The following ARHGEF16 variants were observed in gnomAD, a reference collection of about 807,000 sequenced individuals.
ARHGEF16 encodes the protein Rho guanine exchange factor (GEF) 16.
ARHGEF16 carries 59 observed loss-of-function variants against 74.1 expected under a neutral mutation model. The observed-to-expected ratio is 0.80, with a 90% CI of 0.65 to 0.99. The LOEUF is 0.99. ARHGEF16 is among the 50% of genes least tolerant of loss of function. The pLI is 0.00. For missense variants in ARHGEF16, 948 were observed against 986.6 expected (o/e 0.96, Z 0.52); for synonymous variants, 415 against 412.6 (o/e 1.01, Z -0.07).
At chr1:3,478,711 C>A in intron 12 of ARHGEF16, 99 bp downstream of exon 12, 1 of 1,340,186 alleles carries the variant, frequency 7.5e-7, no homozygotes, top group Non-Finnish European at 1.0e-6. Flanking sequence ...GCATGGCTGG[C>A]TCTGAACGCC....
At chr1:3,469,343 C>T (rs551311968) in intron 5 of ARHGEF16, 90 bp from the exon 6 acceptor site, 19 of 1,484,048 alleles carry the variant, frequency 1.3e-5, no homozygotes, top group South Asian at 1.0e-4. Flanking sequence ...CCCTGCCACC[C>T]GGGTCACGTC....
At chr1:3,479,478 C>T (rs375301398) in intron 12 of ARHGEF16, 39 bp from the exon 13 acceptor site, 26 of 1,606,916 alleles carry the variant, frequency 1.6e-5, no homozygotes, top group East Asian at 4.5e-5. Flanking sequence ...CGGGCAGGAT[C>T]GGTCTCCAGG....
At chr1:3,478,342 C>T (rs1161432424) in intron 11 of ARHGEF16, 82 bp from the exon 12 acceptor site, 13 of 1,435,088 alleles carry the variant, frequency 9.1e-6, no homozygotes, top group Middle Eastern at 1.8e-4. Context: ...GCAGGGGAGC[C>T]GGGTGGGACC....
Position 3,474,690 on chromosome 1 carries a change from T to C in ARHGEF16, c.1306-18T>C, listed in dbSNP as rs1301584459. The C allele has an allele frequency of 6.2e-7, 1 of 1,610,472 alleles. No individual in the cohort carries two copies. Among genetic ancestry groups the C allele is most frequent in the African/African-American group, 1.3e-5 (1 of 74,880 alleles). ...ATGCCAGAGGGGACTTTCTGTCCCA[T>C]GTCTGTTGTCCATCCAGACGCTCTG... On this transcript the variant is annotated intron_variant, in intron 8 of 14. Transcript: ENST00000378378.
At chr1:3,474,829 C>T (rs774455219) in intron 9 of ARHGEF16, 47 bp downstream of exon 9, 3 of 1,576,550 alleles carry the variant, frequency 1.9e-6, no homozygotes, top group African/African-American at 1.3e-5. Flanking sequence ...TGTACCCCGA[C>T]CCTGTCCCCA....
chr1:3,474,160 C>T (rs1358247300), intron 8 of ARHGEF16: 2 of 192,704 alleles, frequency 1.0e-5, no homozygotes, highest in Admixed American at 1.1e-4. Context: ...GCACACAATG[C>T]ACACGTTTGC....
chr1:3,463,635 C>T lies in ARHGEF16; in HGVS notation c.551C>T (p.Pro184Leu). The change falls in exon 2 of 15, where the codon CCC (proline) becomes CTC (leucine). Residue 184 changes from proline (P) to leucine (L), a missense_variant. By Grantham distance (98) the Pro-to-Leu change is moderately conservative. Transcript: ENST00000378378. The stretch of plus-strand genomic sequence containing the variant: ...AAGCTCCAGGCTCTGGCTGAGGAAC[C>T]CAGCCAGCCTCATACTCGGAGCCCG... ...SPKLQALAEE[P>L]SQPHTRSPAK... is the part of the protein sequence containing the mutation. The T allele has an allele frequency of 7.0e-7, 1 of 1,423,892 alleles. No individual in the cohort carries two copies. The highest frequency in any genetic ancestry group is 9.2e-7 in the Non-Finnish European group (1 of 1,083,282). 88.2% of individuals were successfully genotyped at this position (1,423,892 alleles called of 1,614,324 possible).
In ARHGEF16 at chr1:3,472,890, C is replaced by T. The variant is rs1639770237; in HGVS notation, c.1023-188C>T. On this transcript the variant is annotated intron_variant, in intron 6 of 14. Transcript: ENST00000378378. ...TCTGACCACTTCCCACCCGCCCTCC[C>T]TGCTGTCCAGCATCCCAGGTCCGGG... 6 of 290,274 alleles carry T rather than the reference C, an allele frequency of 2.1e-5. 2 individuals are homozygous for T. The highest frequency in any genetic ancestry group is 3.3e-5 in the Non-Finnish European group (5 of 149,748). 18.0% of individuals were successfully genotyped at this position (290,274 alleles called of 1,614,324 possible). A position where few individuals can be genotyped will look rare whatever the true frequency, so the allele number is the denominator to read the frequency against.
chr1:3,468,626 G>A (rs930921991), intron 4 of ARHGEF16: 13 of 531,254 alleles, frequency 2.4e-5, no homozygotes, highest in African/African-American at 1.9e-4. Flanking sequence ...GATGCCCCAT[G>A]CTCTTTCTGG....
chr1:3,467,906 G>C (rs1206096309), intron 4 of ARHGEF16, among the ~76,000 whole-genome samples: 1 of 152,142 alleles, frequency 6.6e-6, no homozygotes, highest in African/African-American at 2.4e-5. Flanking sequence ...CGTGGGCGTG[G>C]CGGGCAGCGG....
chr1:3,473,642 A>ATT, intron 8 of ARHGEF16, 120 bp downstream of exon 8: 2 of 1,494,562 alleles, frequency 1.3e-6, no homozygotes, highest in South Asian at 2.3e-5. Context: ...GGCCTATGAT[A>ATT]TTGTAATAGT....
Position 3,478,544 on chromosome 1 carries a change from C to A in ARHGEF16, c.1746C>A (p.Pro582=). ...GGNRSSSVPH[P]FQVTLLRNSE... ...ACCGTAGCTCCTCCGTGCCCCACCCCTTCCAGGTGACCCTGCTTCGCAACA... is the reference window on the plus strand; with the variant it reads ...ACCGTAGCTCCTCCGTGCCCCACCCATTCCAGGTGACCCTGCTTCGCAACA... Residue 582 remains proline (P), a synonymous_variant, in exon 12 of 15, where the codon CCC becomes CCA. Transcript: ENST00000378378. The A allele has an allele frequency of 6.2e-7, 1 of 1,612,682 alleles. No individual in the cohort carries two copies. The highest frequency in any genetic ancestry group is 8.5e-7 in the Non-Finnish European group (1 of 1,179,866).
intron 1 of ARHGEF16, among the ~76,000 whole-genome samples, chr1:3,457,237 C>G (rs908625108): frequency 1.3e-5 from 2 of 152,350 alleles, no homozygotes; most frequent in African/African-American, 4.8e-5. Context: ...TACCGGAGTA[C>G]AAGGGCATCA....
At chr1:3,477,854 C>T in intron 10 of ARHGEF16, 21 bp from the exon 11 acceptor site, 1 of 1,611,622 alleles carries the variant, frequency 6.2e-7, no homozygotes. Flanking sequence ...TGATCTCCGC[C>T]TCCCGGCTCT....
Position 3,479,895 on chromosome 1 carries a change from G to A in ARHGEF16, c.1972G>A (p.Val658Ile). 1 of 1,612,286 alleles carries A rather than the reference G, an allele frequency of 6.2e-7. No homozygotes were observed. The highest frequency in any genetic ancestry group is 2.2e-5 in the East Asian group (1 of 44,880). Reference protein sequence around the residue: ...VTLQQADVVLVLQQEDGWLYG... With the variant: ...VTLQQADVVLILQQEDGWLYG... ...ACTGCAGCAGGCGGACGTGGTCCTG[G>A]TTCTGCAGCAGGAGGATGGTGAGTG... Residue 658 changes from valine to isoleucine, a missense_variant, in exon 14 of 15, where the codon GTT becomes ATT. Coordinates refer to ENST00000378378, the MANE Select transcript of ARHGEF16 (RefSeq NM_014448.4).
At chr1:3,467,664 C>G (rs774171724) in intron 4 of ARHGEF16, among the ~76,000 whole-genome samples, 1 of 152,164 alleles carries the variant, frequency 6.6e-6, no homozygotes, top group African/African-American at 2.4e-5. Context: ...GAATGATCTG[C>G]GTAGGGAGAC....
At chr1:3,464,603 T>G (rs937640517) in intron 2 of ARHGEF16, among the ~76,000 whole-genome samples, 3 of 152,082 alleles carry the variant, frequency 2.0e-5, no homozygotes, top group African/African-American at 7.2e-5. Context: ...GTCCTTCTTG[T>G]TGGGCGCCTT....
At chr1:3,480,006 T>C in intron 14 of ARHGEF16, 93 bp downstream of exon 14, 1 of 1,276,724 alleles carries the variant, frequency 7.8e-7, no homozygotes, top group Non-Finnish European at 1.1e-6. Flanking sequence ...CATGCCGGGC[T>C]GCAGGCTGAC....
At chr1:3,455,994 A>G (rs1194508943) in intron 1 of ARHGEF16, among the ~76,000 whole-genome samples, 1 of 152,134 alleles carries the variant, frequency 6.6e-6, no homozygotes, top group Non-Finnish European at 1.5e-5. Context: ...GGCTGAAGGT[A>G]GGCACTCCTC....
Sources: allele counts gnomAD v4.1 joint callset (sites outside exome capture counted in the v4.1 genomes callset), GRCh38; gene constraint gnomAD v4.1.1; transcripts MANE v1.5; gene names NCBI Gene and HGNC (gene_info 2026-07-23, HGNC 2026-07-21).